The following VIT variants were observed in gnomAD, a reference collection of about 807,000 sequenced individuals.
VIT encodes vitrin.
A neutral mutation model predicts 78.0 loss-of-function variants in VIT; 99 were observed. That is an observed-to-expected ratio of 1.27 (90% CI 1.08 to 1.50). The LOEUF is 1.50. Ranked by LOEUF, VIT falls within the 40% of genes most tolerant of loss-of-function variation. The probability of loss-of-function intolerance (pLI) is 0.00; values close to 1 mark genes in which losing one functional copy is unlikely to be tolerated. For missense variants in VIT, 1,126 were observed against 875.3 expected, an observed-to-expected ratio of 1.29 and a Z score of -3.61; for synonymous variants, 374 against 334.3, an observed-to-expected ratio of 1.12 and a Z score of -1.29.
chr2:36,716,294 G>A (rs1379997466), intron 1 of VIT, 59 bp from the exon 2 acceptor site: 2 of 1,413,432 alleles, frequency 1.4e-6, no homozygotes, highest in Non-Finnish European at 2.0e-6. Flanking sequence ...CACACTCTGT[G>A]CATCCAAATC....
intron 7 of VIT, among the ~76,000 whole-genome samples, chr2:36,771,641 T>C (rs1348606597): frequency 6.6e-6 from 1 of 151,570 alleles, no homozygotes; most frequent in Non-Finnish European, 1.5e-5. Context: ...TCATTGGAAA[T>C]CGATAATACA....
At chr2:36,805,048 A>G (rs1405225177) in intron 13 of VIT, among the ~76,000 whole-genome samples, 1 of 151,966 alleles carries the variant, frequency 6.6e-6, no homozygotes, top group Non-Finnish European at 1.5e-5. Context: ...CATGCCTGTA[A>G]TCTCAGCACT....
At chr2:36,715,902 T>C (rs1026631580) in intron 1 of VIT, among the ~76,000 whole-genome samples, 6 of 152,242 alleles carry the variant, frequency 3.9e-5, no homozygotes, top group South Asian at 4.1e-4. Context: ...AATTGTTTTT[T>C]AATTCAATTT....
intron 2 of VIT, among the ~76,000 whole-genome samples, chr2:36,720,231 C>A (rs1322467093): frequency 6.6e-6 from 1 of 152,128 alleles, no homozygotes; most frequent in African/African-American, 2.4e-5. Context: ...AAATACCCAA[C>A]ATCCAAATAC....
At chr2:36,813,095 C>T (rs1667303842) in intron 15 of VIT, among the ~76,000 whole-genome samples, 1 of 149,842 alleles carries the variant, frequency 6.7e-6, no homozygotes, top group African/African-American at 2.4e-5. Flanking sequence ...CCACCTCAGC[C>T]TCCCAAAGTG....
At position 36,747,498 on chromosome 2, in the gene VIT, T is replaced by G. The variant is rs75070304; in HGVS notation, c.275+4242T>G. On this transcript the variant is annotated intron_variant, in intron 4 of 15. Coordinates refer to ENST00000379242, the MANE Select transcript of VIT (RefSeq NM_053276.4). ...CCTCCAATATTGGGTCTGTATATAT[T>G]TAGGATAGTTTTCTTGTTGAATTGA... Among the ~76,000 whole-genome samples, 1,408 of 152,314 alleles carry G rather than the reference T, an allele frequency of 9.2e-3. 18 individuals carry two copies. The highest frequency in any genetic ancestry group is 0.032 in the African/African-American group (1,314 of 41,578).
chr2:36,771,394 T>C (rs1669745046), intron 7 of VIT, among the ~76,000 whole-genome samples: 2 of 151,754 alleles, frequency 1.3e-5, no homozygotes. Flanking sequence ...GATGCAGTGG[T>C]GTGCACCTGT....
intron 2 of VIT, among the ~76,000 whole-genome samples, chr2:36,728,976 G>A (rs1002217022): frequency 4.0e-5 from 6 of 151,860 alleles, no homozygotes; most frequent in Non-Finnish European, 5.9e-5. Context: ...TTCCAGTCCC[G>A]CAAGCTCCAT....
chr2:36,774,765 C>T, intron 8 of VIT: 1 of 985,400 alleles, frequency 1.0e-6, no homozygotes, highest in African/African-American at 1.7e-5. Context: ...CATCTTAGGC[C>T]TCTACAGACT....
chr2:36,786,457 A>C (rs1665100925), intron 11 of VIT, among the ~76,000 whole-genome samples: 1 of 152,104 alleles, frequency 6.6e-6, no homozygotes, highest in Non-Finnish European at 1.5e-5. Flanking sequence ...CCTCTCTTAT[A>C]ACCTTCATAT....
intron 15 of VIT, among the ~76,000 whole-genome samples, chr2:36,809,227 T>C (rs556839177): frequency 6.6e-6 from 1 of 152,300 alleles, no homozygotes; most frequent in African/African-American, 2.4e-5. Flanking sequence ...CCATGGCCTG[T>C]GGATGACTGG....
intron 12 of VIT, among the ~76,000 whole-genome samples, chr2:36,799,570 T>G (rs1666162908): frequency 6.6e-6 from 1 of 151,846 alleles, no homozygotes; most frequent in Non-Finnish European, 1.5e-5. Flanking sequence ...ATGAAAAAAT[T>G]TGCTGGGTGT....
intron 7 of VIT, among the ~76,000 whole-genome samples, chr2:36,772,995 A>C (rs1464885807): frequency 6.6e-6 from 1 of 152,226 alleles, no homozygotes; most frequent in East Asian, 1.9e-4. Context: ...ATTGCTCAAT[A>C]AATAATGAAT....
chr2:36,767,406 C>G, intron 7 of VIT, 121 bp downstream of exon 7: 1 of 1,040,470 alleles, frequency 9.6e-7, no homozygotes, highest in East Asian at 3.2e-5. Flanking sequence ...AGAACTGGGC[C>G]GGGGGTATGT....
chr2:36,779,876 G>A (rs1458043011), intron 9 of VIT, among the ~76,000 whole-genome samples: 2 of 152,166 alleles, frequency 1.3e-5, no homozygotes, highest in African/African-American at 4.8e-5. Flanking sequence ...TCCTCCATGT[G>A]ACAGTGTAGG....
At chr2:36,791,393 G>C (rs1665493015) in intron 12 of VIT, among the ~76,000 whole-genome samples, 1 of 152,308 alleles carries the variant, frequency 6.6e-6, no homozygotes, top group South Asian at 2.1e-4. Flanking sequence ...TGTCTGGTAT[G>C]TTAGGCAAAA....
At chr2:36,804,144 T>C (rs1666533691) in intron 13 of VIT, among the ~76,000 whole-genome samples, 1 of 152,246 alleles carries the variant, frequency 6.6e-6, no homozygotes, top group Non-Finnish European at 1.5e-5. Context: ...CAGGAGGCTT[T>C]GTAGCACTTC....
At chr2:36,702,202 C>G (rs1441320431) in intron 1 of VIT, among the ~76,000 whole-genome samples, 1 of 152,084 alleles carries the variant, frequency 6.6e-6, no homozygotes, top group African/African-American at 2.4e-5. Context: ...TGAGTGGAAC[C>G]ATGCTTGGGA....
chr2:36,740,271 G>T (rs1380002809), intron 3 of VIT, among the ~76,000 whole-genome samples: 4 of 152,152 alleles, frequency 2.6e-5, no homozygotes, highest in African/African-American at 9.7e-5. Flanking sequence ...GTTTCATCTG[G>T]GCCTTAAGTG....
Sources: allele counts gnomAD v4.1 joint callset (sites outside exome capture counted in the v4.1 genomes callset), GRCh38; gene constraint gnomAD v4.1.1; transcripts MANE v1.5; gene names NCBI Gene and HGNC (gene_info 2026-07-23, HGNC 2026-07-21).